OR3A2: variants seen among roughly 807,000 people sequenced by gnomAD.
OR3A2 encodes olfactory receptor 3A2.
For missense variants in OR3A2, 318 were observed against 392.8 expected, an observed-to-expected ratio of 0.81 and a Z score of 1.61; for synonymous variants, 126 against 159.3, an observed-to-expected ratio of 0.79 and a Z score of 1.57.
chr17:3,331,880 C>T (rs995107051), intron 3 of OR3A2, among the ~76,000 whole-genome samples: 55 of 150,928 alleles, frequency 3.6e-4, no homozygotes, highest in Admixed American at 1.5e-3. Context: ...TGGTGATGTA[C>T]AGATGGGTTT....
chr17:3,277,343 C>T (rs1044265603), exon 2 of OR3A2: 3 of 152,050 alleles, frequency 2.0e-5, no homozygotes, highest in Non-Finnish European at 4.4e-5. Context: ...TTTTAAAAAA[C>T]TTTTTAACAA....
intron 2 of OR3A2, among the ~76,000 whole-genome samples, chr17:3,364,354 A>G (rs2049545390): frequency 6.6e-6 from 1 of 152,170 alleles, no homozygotes; most frequent in Non-Finnish European, 1.5e-5. Flanking sequence ...TGTGATGAAA[A>G]CATTTAAAAT....
At chr17:3,278,495 C>G in exon 2 of OR3A2, 1 of 1,614,072 alleles carries the variant, frequency 6.2e-7, no homozygotes, top group South Asian at 1.1e-5. Flanking sequence ...TCTGGACTGT[C>G]TGACTCATGC....
intron 3 of OR3A2, among the ~76,000 whole-genome samples, chr17:3,329,022 T>G (rs1446333964): frequency 1.1e-4 from 17 of 151,356 alleles, no homozygotes; most frequent in African/African-American, 4.1e-4. Flanking sequence ...TTTATTGATT[T>G]GCGTATATTG....
intron 2 of OR3A2, among the ~76,000 whole-genome samples, chr17:3,355,527 A>G (rs746662447): frequency 5.3e-5 from 8 of 150,940 alleles, no homozygotes; most frequent in Non-Finnish European, 1.2e-4. Context: ...TATATTTGCA[A>G]TCATTATATC....
chr17:3,306,610 C>G (rs1442171962), intron 3 of OR3A2, among the ~76,000 whole-genome samples: 1 of 149,948 alleles, frequency 6.7e-6, no homozygotes, highest in Non-Finnish European at 1.5e-5. Context: ...AGTCTAGTGA[C>G]GCTCAACCTT....
intron 2 of OR3A2, among the ~76,000 whole-genome samples, chr17:3,374,926 C>G (rs958964163): frequency 2.6e-5 from 4 of 152,038 alleles, no homozygotes; most frequent in African/African-American, 9.7e-5. Context: ...ATCTTCATAG[C>G]TTAGCTCTCA....
chr17:3,344,692 A>G (rs1467519639), intron 2 of OR3A2, among the ~76,000 whole-genome samples: 1 of 152,182 alleles, frequency 6.6e-6, no homozygotes, highest in Non-Finnish European at 1.5e-5. Flanking sequence ...TTGAGGAACT[A>G]TGCCTTCAAA....
downstream of OR3A2, among the ~76,000 whole-genome samples, chr17:3,276,124 A>G (rs535909057): frequency 7.3e-5 from 11 of 150,206 alleles, no homozygotes; most frequent in South Asian, 1.3e-3. Context: ...AAGAAAAAAA[A>G]AAGAATATTC....
intron 3 of OR3A2, among the ~76,000 whole-genome samples, chr17:3,303,044 ATC>A (rs2048976980): frequency 6.6e-6 from 1 of 152,188 alleles, no homozygotes; most frequent in Admixed American, 6.5e-5. Flanking sequence ...TGGAAATTTG[ATC>A]CATGACATGG....
At chr17:3,371,771 C>T (rs1257540348) in intron 2 of OR3A2, among the ~76,000 whole-genome samples, 1 of 138,746 alleles carries the variant, frequency 7.2e-6, no homozygotes, top group African/African-American at 2.7e-5. Context: ...GTAGGGGCGG[C>T]CGGGCAGAGG....
At chr17:3,300,572 T>A (rs2625455) in intron 3 of OR3A2, among the ~76,000 whole-genome samples, 100,404 of 151,774 alleles carry the variant, frequency 0.66, 34,152 homozygotes, top group East Asian at 0.98. Flanking sequence ...ATAAATAAAT[T>A]AATTAATTAA....
At chr17:3,333,193 A>T (rs2049253547) in intron 3 of OR3A2, among the ~76,000 whole-genome samples, 2 of 152,186 alleles carry the variant, frequency 1.3e-5, no homozygotes, top group Admixed American at 1.3e-4. Flanking sequence ...CATCTGTCTT[A>T]TGCAGTTGAG....
intron 2 of OR3A2, among the ~76,000 whole-genome samples, chr17:3,351,202 A>G (rs1463853249): frequency 3.5e-5 from 5 of 142,120 alleles, no homozygotes; most frequent in Non-Finnish European, 7.7e-5. Context: ...CAGGAGAAGG[A>G]AATAAAGGGT....
chr17:3,347,456 C>A (rs896583370), intron 2 of OR3A2, among the ~76,000 whole-genome samples: 3 of 152,090 alleles, frequency 2.0e-5, no homozygotes, highest in African/African-American at 7.2e-5. Context: ...CATGTGTTCT[C>A]ATAGTTCAAT....
chr17:3,301,673 C>T (rs2048967183), intron 3 of OR3A2, among the ~76,000 whole-genome samples: 2 of 152,168 alleles, frequency 1.3e-5, no homozygotes, highest in South Asian at 4.1e-4. Flanking sequence ...GTTTCTTTTG[C>T]TGTGCAGAAG....
chr17:3,368,404 T>C (rs2049582859), intron 2 of OR3A2, among the ~76,000 whole-genome samples: 1 of 152,232 alleles, frequency 6.6e-6, no homozygotes. Context: ...CTTGAGTAGA[T>C]TTTTGTATTA....
chr17:3,345,454 G>A (rs1219464556), intron 2 of OR3A2, among the ~76,000 whole-genome samples: 2 of 151,908 alleles, frequency 1.3e-5, no homozygotes, highest in African/African-American at 4.8e-5. Context: ...GACAGAGAGA[G>A]AGACCAAAAT....
intron 2 of OR3A2, among the ~76,000 whole-genome samples, chr17:3,361,765 T>C (rs151193): frequency 0.58 from 88,243 of 151,226 alleles, 26,992 homozygotes; most frequent in African/African-American, 0.72. Flanking sequence ...AGGGATGAAG[T>C]CCAGTTGATC....
Sources: gnomAD v4.1 joint callset for allele counts (sites outside exome capture counted in the v4.1 genomes callset) on GRCh38, gnomAD v4.1.1 for gene constraint, MANE v1.5 for transcripts, NCBI Gene and HGNC (gene_info 2026-07-23, HGNC 2026-07-21) for gene names.